HSP90AA1: variants seen among roughly 807,000 people sequenced by gnomAD.
HSP90AA1 encodes heat shock protein HSP 90-alpha.
In HSP90AA1, 18 loss-of-function variants were observed where a neutral mutation model predicts 73.3. That is an observed-to-expected ratio of 0.25 (90% confidence interval 0.17 to 0.36). HSP90AA1 has a LOEUF of 0.36. HSP90AA1 is among the 10% of genes least tolerant of loss of function. The probability of loss-of-function intolerance (pLI) is 1.00; values close to 1 mark genes in which losing one functional copy is unlikely to be tolerated. For missense variants in HSP90AA1, 704 were observed against 874.2 expected, an observed-to-expected ratio of 0.81 and a Z score of 2.45; for synonymous variants, 477 against 296.9, an observed-to-expected ratio of 1.61 and a Z score of -6.24.
chr14:102,135,510 C>G (rs1211774584), intron 1 of HSP90AA1, among the ~76,000 whole-genome samples: 1 of 152,266 alleles, frequency 6.6e-6, no homozygotes, highest in African/African-American at 2.4e-5. Flanking sequence ...GCCGTGCGCT[C>G]GCATTCCTCA....
At chr14:102,139,724 C>A, upstream of HSP90AA1, 1 of 805,932 alleles carries the variant, frequency 1.2e-6, no homozygotes, top group Non-Finnish European at 1.9e-6. Flanking sequence ...GGGTGGAGCA[C>A]GCCAGGTGAG....
upstream of HSP90AA1, among the ~76,000 whole-genome samples, chr14:102,090,454 C>CTG (rs1555362444): frequency 8.4e-6 from 1 of 118,732 alleles, no homozygotes; most frequent in Admixed American, 1.0e-4. Context: ...CAACATATTT[C>CTG]TTTTTTTTTT....
At chr14:102,103,694 CTTGGGAGGCAGAGGCAGAAGAAT>C (rs904604565) in intron 1 of HSP90AA1, among the ~76,000 whole-genome samples, 10 of 151,672 alleles carry the variant, frequency 6.6e-5, no homozygotes, top group African/African-American at 2.4e-4. Context: ...ATCCCAGATA[CTTGGGAGGCAGAGGCAGAAGAAT>C]TGCTTGAACC....
chr14:102,103,180 C>CAAAAA (rs898771022), intron 1 of HSP90AA1, among the ~76,000 whole-genome samples: 8 of 37,194 alleles, frequency 2.2e-4, no homozygotes, highest in South Asian at 1.4e-3. Flanking sequence ...GACTCAGTCT[C>CAAAAA]AAAAAAAAAA....
rs2049138164 is a variant in HSP90AA1 at position 102,083,170 on chromosome 14, G to A, written c.1619C>T (p.Thr540Ile). Residue 540 changes from threonine to isoleucine, a missense_variant, in exon 9 of 11, where the codon ACT becomes ATT. Physicochemically the swap from Thr to Ile is moderately conservative, Grantham distance 89. Transcript: ENST00000216281. The part of the protein sequence containing the change: ...VQQLKEFEGK[T>I]LVSVTKEGLE... ...GCCTTCTTTGGTGACTGACACTAAA[G>A]TCTTCCCCTCAAATTCCTTCAGCTG... The A allele has an allele frequency of 6.2e-7, 1 of 1,613,894 alleles. No homozygotes were observed. The highest frequency in any genetic ancestry group is 2.2e-5 in the East Asian group (1 of 44,874).
intron 1 of HSP90AA1, among the ~76,000 whole-genome samples, chr14:102,105,339 A>G (rs564651415): frequency 6.6e-6 from 1 of 152,264 alleles, no homozygotes; most frequent in South Asian, 2.1e-4. Context: ...CACTGTTGGA[A>G]AGACAGATGC....
chr14:102,135,213 CAG>C (rs887549459), intron 1 of HSP90AA1, among the ~76,000 whole-genome samples: 3 of 152,032 alleles, frequency 2.0e-5, no homozygotes, highest in African/African-American at 4.8e-5. Context: ...CAGCTAGATA[CAG>C]AGTGTGGATT....
intron 4 of HSP90AA1, 80 bp downstream of exon 4, chr14:102,085,218 A>G (rs1442520017): frequency 3.3e-6 from 5 of 1,496,032 alleles, no homozygotes; most frequent in Admixed American, 1.7e-5. Flanking sequence ...AGTTGAACAG[A>G]TCTAGGGACT....
chr14:102,085,543 C>G (rs912170457), intron 3 of HSP90AA1, 112 bp from the exon 4 acceptor site: 70 of 1,234,446 alleles, frequency 5.7e-5, no homozygotes, highest in Middle Eastern at 3.7e-4. Flanking sequence ...ACTACAGATG[C>G]AAAGGCCACC....
At chr14:102,101,225 G>C (rs1055323052) in intron 2 of HSP90AA1, among the ~76,000 whole-genome samples, 4 of 152,198 alleles carry the variant, frequency 2.6e-5, no homozygotes, top group Non-Finnish European at 5.9e-5. Flanking sequence ...CAGGGCTCCA[G>C]AAGGAACACA....
chr14:102,103,208 G>A (rs1025923365), intron 1 of HSP90AA1, among the ~76,000 whole-genome samples: 7 of 129,010 alleles, frequency 5.4e-5, no homozygotes, highest in East Asian at 2.3e-4. Flanking sequence ...AAAAAAAGCA[G>A]AAGTGGGAGT....
chr14:102,122,943 T>G (rs1188688922), intron 1 of HSP90AA1, among the ~76,000 whole-genome samples: 2 of 152,066 alleles, frequency 1.3e-5, no homozygotes, highest in Admixed American at 6.6e-5. Flanking sequence ...GCTGGGATTA[T>G]AGGCATGAGC....
In HSP90AA1 at chr14:102,115,064, G is replaced by A. The variant is rs369832938; in HGVS notation, c.156-12979C>T. On this transcript the variant is annotated intron_variant, in intron 1 of 11. Coordinates refer to the HSP90AA1 transcript ENST00000334701. ...CGGGAAGCTGAGGCAGGAGAATGGCGTGAACCCAGAGGGCAGAGCTTGCAG... is the reference window on the plus strand; with the variant it reads ...CGGGAAGCTGAGGCAGGAGAATGGCATGAACCCAGAGGGCAGAGCTTGCAG... Among the ~76,000 whole-genome samples, 8 of 151,864 alleles carry A rather than the reference G, an allele frequency of 5.3e-5. No homozygotes were observed. The South Asian group carries it at 1.0e-3, about 20-fold the overall frequency.
intron 1 of HSP90AA1, among the ~76,000 whole-genome samples, chr14:102,135,316 T>C (rs2049975368): frequency 6.7e-6 from 1 of 148,822 alleles, no homozygotes; most frequent in Admixed American, 6.7e-5. Flanking sequence ...CTGGTGTATT[T>C]ACAATCCCTG....
upstream of HSP90AA1, among the ~76,000 whole-genome samples, chr14:102,091,570 G>A (rs1447859336): frequency 6.6e-6 from 1 of 151,930 alleles, no homozygotes; most frequent in Non-Finnish European, 1.5e-5. Flanking sequence ...AGGCTGCAGT[G>A]AGCCGAGATT....
chr14:102,136,526 G>GCCA (rs1258820775), intron 1 of HSP90AA1, among the ~76,000 whole-genome samples: 2 of 117,038 alleles, frequency 1.7e-5, no homozygotes, highest in Non-Finnish European at 3.3e-5. Context: ...CCGAGATCAT[G>GCCA]CCACTGCACT....
At chr14:102,128,011 T>G (rs1342434621) in intron 1 of HSP90AA1, among the ~76,000 whole-genome samples, 1 of 152,114 alleles carries the variant, frequency 6.6e-6, no homozygotes, top group African/African-American at 2.4e-5. Flanking sequence ...TGCCAAACTC[T>G]CAAGCAGAAA....
chr14:102,121,824 A>AT (rs940536616), intron 1 of HSP90AA1, among the ~76,000 whole-genome samples: 1 of 151,878 alleles, frequency 6.6e-6, no homozygotes, highest in Non-Finnish European at 1.5e-5. Flanking sequence ...TCCTTTGCCT[A>AT]TTTTTTTCTA....
intron 2 of HSP90AA1, among the ~76,000 whole-genome samples, chr14:102,098,208 C>T (rs1241463199): frequency 6.6e-6 from 1 of 152,024 alleles, no homozygotes; most frequent in Non-Finnish European, 1.5e-5. Flanking sequence ...GTCTCCCAAG[C>T]TGGAGTGCAG....
Sources: gnomAD v4.1 joint callset for allele counts (sites outside exome capture counted in the v4.1 genomes callset) on GRCh38, gnomAD v4.1.1 for gene constraint, MANE v1.5 for transcripts, NCBI Gene and HGNC (gene_info 2026-07-23, HGNC 2026-07-21) for gene names.